DLG2: variants seen among roughly 807,000 people sequenced by gnomAD.
The protein encoded by DLG2 is discs large MAGUK scaffold protein 2.
A neutral mutation model predicts 132.5 loss-of-function variants in DLG2; 45 were observed. The observed-to-expected ratio is 0.34, with a 90% CI of 0.27 to 0.44. The LOEUF (loss-of-function observed/expected upper bound fraction) is 0.44, where lower values mean the gene tolerates loss of function less well. DLG2 is among the 20% of genes least tolerant of loss of function. The probability of loss-of-function intolerance (pLI) is 1.00; values close to 1 mark genes in which losing one functional copy is unlikely to be tolerated. For synonymous variants in DLG2, 424 were observed against 419.6 expected (o/e 1.01, Z -0.13); for missense variants, 1,045 against 1,196.9 (o/e 0.87, Z 1.87).
intron 3 of DLG2, among the ~76,000 whole-genome samples, chr11:85,403,705 A>G (rs2088431831): frequency 6.6e-6 from 1 of 151,874 alleles, no homozygotes; most frequent in Non-Finnish European, 1.5e-5. Flanking sequence ...ACCAACAGAA[A>G]TCTTTAAGCA....
At chr11:84,383,254 TC>T (rs1209081235) in intron 7 of DLG2, among the ~76,000 whole-genome samples, 1 of 151,790 alleles carries the variant, frequency 6.6e-6, no homozygotes, top group African/African-American at 2.4e-5. Flanking sequence ...CGGCGTCCAT[TC>T]CCCCGAGAAG....
At chr11:84,081,099 G>A (rs180909201) in intron 10 of DLG2, among the ~76,000 whole-genome samples, 13 of 151,568 alleles carry the variant, frequency 8.6e-5, no homozygotes, top group African/African-American at 3.2e-4. Flanking sequence ...GTTAACAAAC[G>A]ATAGGAGAAG....
rs547381883 is a variant in DLG2, at chr11:83,797,261, G to A, written c.1723-10469C>T. ...AGAAGAAGAAGATGATGATGATGGTGATGATGGTAGCTGACATGTACATAA... is the reference window on the plus strand; with the variant it reads ...AGAAGAAGAAGATGATGATGATGGTAATGATGGTAGCTGACATGTACATAA... On this transcript the variant is annotated intron_variant, in intron 17 of 27. Coordinates refer to ENST00000376104, the MANE Select transcript of DLG2 (RefSeq NM_001142699.3). Among the ~76,000 whole-genome samples, 10 of 152,290 alleles carry A rather than the reference G, an allele frequency of 6.6e-5. No individual in the cohort carries two copies. In the East Asian group the frequency reaches 1.9e-3, roughly 29 times the overall value.
chr11:83,703,247 C>T (rs2083279471), intron 18 of DLG2, among the ~76,000 whole-genome samples: 1 of 152,152 alleles, frequency 6.6e-6, no homozygotes, highest in Admixed American at 6.5e-5. Context: ...ATCCTGTAAA[C>T]CCACTGATGA....
rs1653771599 is a variant in DLG2 at position 83,484,111 on chromosome 11, C to T, written c.2293+18G>A. The T allele has an allele frequency of 3.1e-6, 5 of 1,601,608 alleles. No individual in the cohort carries two copies. In the African/African-American group the frequency reaches 6.7e-5, roughly 21 times the overall value. On this transcript the variant is annotated intron_variant, in intron 22 of 27. Coordinates refer to ENST00000376104, the MANE Select transcript of DLG2 (RefSeq NM_001142699.3). The stretch of plus-strand genomic sequence containing the variant: ...TCTCTTATGTTGCATGTGACATTAT[C>T]TTTCAGAATCTACTTACGTTCAGGA...
chr11:84,643,539 A>G (rs773264217), intron 6 of DLG2, among the ~76,000 whole-genome samples: 1 of 152,222 alleles, frequency 6.6e-6, no homozygotes, highest in Admixed American at 6.5e-5. Flanking sequence ...ACACTGTAAA[A>G]TGTTCTATAT....
chr11:84,229,076 G>A (rs2097052993), intron 8 of DLG2, among the ~76,000 whole-genome samples: 2 of 152,094 alleles, frequency 1.3e-5, no homozygotes, highest in Non-Finnish European at 2.9e-5. Flanking sequence ...TTATATCCTG[G>A]TAAGCACTCA....
intron 7 of DLG2, among the ~76,000 whole-genome samples, chr11:84,423,385 G>T (rs1169891322): frequency 6.6e-6 from 1 of 152,066 alleles, no homozygotes; most frequent in African/African-American, 2.4e-5. Flanking sequence ...TCCATGTCAT[G>T]CCTGGCACTT....
intron 10 of DLG2, among the ~76,000 whole-genome samples, chr11:84,065,861 A>G (rs1341736317): frequency 6.6e-6 from 1 of 152,226 alleles, no homozygotes; most frequent in African/African-American, 2.4e-5. Flanking sequence ...TGTGGTACAT[A>G]TATACAATGG....
At chr11:84,272,230 G>T (rs973355650) in intron 7 of DLG2, 1 of 399,734 alleles carries the variant, frequency 2.5e-6, no homozygotes, top group East Asian at 7.9e-5. Flanking sequence ...CGAAGTTACA[G>T]GGAAAAATAT....
intron 3 of DLG2, among the ~76,000 whole-genome samples, chr11:85,353,997 A>G (rs953237563): frequency 1.3e-5 from 2 of 151,904 alleles, no homozygotes; most frequent in Non-Finnish European, 2.9e-5. Flanking sequence ...TTAAAAAAAA[A>G]AGAAATTCCT....
intron 3 of DLG2, among the ~76,000 whole-genome samples, chr11:85,438,676 T>G (rs2091616465): frequency 6.6e-6 from 1 of 152,200 alleles, no homozygotes; most frequent in East Asian, 1.9e-4. Flanking sequence ...GTCCTCATCT[T>G]TGTGTGTGTA....
intron 7 of DLG2, among the ~76,000 whole-genome samples, chr11:84,403,734 G>C (rs1006734387): frequency 6.6e-6 from 1 of 152,096 alleles, no homozygotes; most frequent in East Asian, 1.9e-4. Flanking sequence ...CATTTGATTC[G>C]GGTGTCTGTC....
At chr11:85,604,505 C>A (rs989833424) in intron 2 of DLG2, among the ~76,000 whole-genome samples, 2 of 152,040 alleles carry the variant, frequency 1.3e-5, no homozygotes, top group African/African-American at 4.8e-5. Flanking sequence ...GATAATTATC[C>A]AAGCAAGTCA....
chr11:83,866,141 A>G (rs768088193), intron 16 of DLG2, among the ~76,000 whole-genome samples: 1 of 151,918 alleles, frequency 6.6e-6, no homozygotes, highest in Non-Finnish European at 1.5e-5. Context: ...TATTCAATTA[A>G]TGTCTCATTT....
rs572091267 is a variant in DLG2, at chr11:83,886,228, G to T, written c.1497-11740C>A. Among the ~76,000 whole-genome samples the T allele has an allele frequency of 1.7e-4, 26 of 152,170 alleles. No homozygotes were observed. The East Asian group carries it at 4.4e-3, about 26-fold the overall frequency. On this transcript the variant is annotated intron_variant, in intron 15 of 27. Coordinates refer to ENST00000376104, the MANE Select transcript of DLG2 (RefSeq NM_001142699.3). ...CATCTCATGTGCAGAGACACATATA[G>T]GCTCAAAATAAAAGGATGGAGGAAG...
chr11:85,552,600 TAAATA>T (rs2076727963), intron 3 of DLG2, among the ~76,000 whole-genome samples: 1 of 151,496 alleles, frequency 6.6e-6, no homozygotes, highest in Admixed American at 6.6e-5. Flanking sequence ...AATAGTGACT[TAAATA>T]AAATAAATAG....
chr11:84,582,929 C>G (rs2099520088), intron 6 of DLG2, among the ~76,000 whole-genome samples: 1 of 152,146 alleles, frequency 6.6e-6, no homozygotes, highest in Non-Finnish European at 1.5e-5. Context: ...CTTCCTGATT[C>G]TATTTAATCT....
At chr11:83,588,059 G>C (rs890597397) in intron 19 of DLG2, among the ~76,000 whole-genome samples, 3 of 152,178 alleles carry the variant, frequency 2.0e-5, no homozygotes, top group African/African-American at 7.2e-5. Flanking sequence ...GCTAGGGGAG[G>C]GGCGCCCGCC....
Sources: gnomAD v4.1 joint callset for allele counts (sites outside exome capture counted in the v4.1 genomes callset) on GRCh38, gnomAD v4.1.1 for gene constraint, MANE v1.5 for transcripts, NCBI Gene and HGNC (gene_info 2026-07-23, HGNC 2026-07-21) for gene names.